Variants in MYCBP2 observed in about 807,000 individuals in gnomAD.
MYCBP2 encodes the protein MYC binding protein 2.
In MYCBP2, 120 loss-of-function variants were observed where a neutral mutation model predicts 525.3. That is an observed-to-expected ratio of 0.23 (90% confidence interval 0.20 to 0.27). MYCBP2 has a LOEUF of 0.27. Among genes scored for constraint, MYCBP2 ranks in the 10% least tolerant of loss-of-function variants. MYCBP2 has a pLI of 1.00. For synonymous variants in MYCBP2, 1,894 were observed against 1,955.8 expected (o/e 0.97, Z 0.83); for missense variants, 4,149 against 5,657.1 (o/e 0.73, Z 8.55).
intron 63 of MYCBP2, 118 bp from the exon 64 acceptor site, chr13:77,082,111 G>A: frequency 2.3e-6 from 2 of 867,834 alleles, no homozygotes; most frequent in South Asian, 5.4e-5. Flanking sequence ...TCTAGTAACA[G>A]ACATTTTAAA....
intron 49 of MYCBP2, among the ~76,000 whole-genome samples, chr13:77,141,339 T>C (rs2054582109): frequency 6.6e-6 from 1 of 152,222 alleles, no homozygotes; most frequent in Non-Finnish European, 1.5e-5. Flanking sequence ...AAGCTGAGGT[T>C]CTCATGTTAG....
intron 82 of MYCBP2, among the ~76,000 whole-genome samples, chr13:77,046,413 A>G (rs1846048999): frequency 6.6e-6 from 1 of 152,236 alleles, no homozygotes; most frequent in African/African-American, 2.4e-5. Flanking sequence ...AGAGAAAAAT[A>G]TCACGAGATT....
chr13:77,092,168 T>G (rs1191227639), intron 59 of MYCBP2, among the ~76,000 whole-genome samples: 1 of 152,078 alleles, frequency 6.6e-6, no homozygotes, highest in Non-Finnish European at 1.5e-5. Context: ...TATAGTTGTA[T>G]AGTAGTAACA....
chr13:77,141,601 T>A (rs2054634667), intron 49 of MYCBP2, among the ~76,000 whole-genome samples: 1 of 151,838 alleles, frequency 6.6e-6, no homozygotes. Context: ...TGAAACCCCA[T>A]CTCTACTAAA....
At chr13:77,104,044 T>C (rs1033927134) in intron 55 of MYCBP2, among the ~76,000 whole-genome samples, 2 of 152,084 alleles carry the variant, frequency 1.3e-5, no homozygotes, top group African/African-American at 4.8e-5. Flanking sequence ...TAACAGAACC[T>C]TTAAATTGCA....
intron 2 of MYCBP2, among the ~76,000 whole-genome samples, chr13:77,294,131 C>CATATACAT (rs1567182838): frequency 4.6e-5 from 3 of 65,710 alleles, no homozygotes; most frequent in East Asian, 7.7e-4. Context: ...TATATATATA[C>CATATACAT]ATATATATAT....
At chr13:77,191,658 A>T in intron 28 of MYCBP2, 21 bp downstream of exon 28, 11 of 1,607,878 alleles carry the variant, frequency 6.8e-6, no homozygotes, top group Middle Eastern at 1.7e-4. Flanking sequence ...TTGCTTAAGT[A>T]ACACTTGGGC....
At chr13:77,256,114 GA>G (rs1247876244) in intron 14 of MYCBP2, among the ~76,000 whole-genome samples, 1 of 152,042 alleles carries the variant, frequency 6.6e-6, no homozygotes, top group Non-Finnish European at 1.5e-5. Context: ...AGGATATTGT[GA>G]AGAAGGTGTG....
At chr13:77,193,192 C>A (rs993075043) in intron 27 of MYCBP2, among the ~76,000 whole-genome samples, 1 of 151,888 alleles carries the variant, frequency 6.6e-6, no homozygotes, top group African/African-American at 2.4e-5. Context: ...GACAATGGCA[C>A]CTTAAGGCTT....
chr13:77,095,473 TG>T lies in MYCBP2; in HGVS notation c.10083del (p.Ser3361ArgfsTer18). 1 of 1,613,604 alleles carries T rather than the reference TG, an allele frequency of 6.2e-7. No individual in the cohort carries two copies. The highest frequency in any genetic ancestry group is 8.5e-7 in the Non-Finnish European group (1 of 1,179,734). On this transcript the variant is annotated frameshift_variant, in exon 58 of 83. Coordinates refer to ENST00000544440, the MANE Select transcript of MYCBP2 (RefSeq NM_015057.5). LOFTEE classifies it high-confidence loss of function. The stretch of plus-strand genomic sequence containing the variant: ...GGCTTTGCAGGATGGTAACACAGAA[TG>T]CTCGGTTCTGCTGCACTGCTCAGGG... The part of the protein sequence containing the change: ...LLSLSSAAEP[S>X]ILCYHPAKPF...
At chr13:77,205,184 TAATAA>T (rs2063186043) in intron 26 of MYCBP2, 67 bp downstream of exon 26, 1 of 1,304,580 alleles carries the variant, frequency 7.7e-7, no homozygotes, top group African/African-American at 1.6e-5. Context: ...AGACATTAAA[TAATAA>T]AATAATAAAT....
At chr13:77,168,019 A>AT (rs770964880) in intron 40 of MYCBP2, among the ~76,000 whole-genome samples, 2 of 152,228 alleles carry the variant, frequency 1.3e-5, no homozygotes, top group Non-Finnish European at 2.9e-5. Flanking sequence ...TTTTTTTAAC[A>AT]TTATGTATAG....
Position 77,224,647 on chromosome 13 carries a change from A to T in MYCBP2, c.2858-115T>A, listed in dbSNP as rs908475503. The T allele has an allele frequency of 2.7e-5, 15 of 563,278 alleles. No individual in the cohort carries two copies. The Admixed American group carries it at 4.8e-4, about 18-fold the overall frequency. 34.9% of individuals were successfully genotyped at this position (563,278 alleles called of 1,614,324 possible). ...TTTAAGATTTATAGAACCATTAAAA[A>T]TAGGTAACTGAAGGACAAATTTGTA... On this transcript the variant is annotated intron_variant, in intron 19 of 82. Transcript: ENST00000544440.
chr13:77,206,312 AATTT>A (rs1286738105), intron 24 of MYCBP2, among the ~76,000 whole-genome samples: 12 of 150,364 alleles, frequency 8.0e-5, no homozygotes, highest in East Asian at 1.9e-4. Context: ...CATTTTATAG[AATTT>A]ATTTAACATA....
intron 4 of MYCBP2, among the ~76,000 whole-genome samples, chr13:77,276,700 T>C (rs1594578309): frequency 6.6e-6 from 1 of 151,828 alleles, no homozygotes; most frequent in East Asian, 1.9e-4. Flanking sequence ...TCTCATTCTG[T>C]CACCCAGCTA....
intron 35 of MYCBP2, 132 bp from the exon 36 acceptor site, chr13:77,176,760 T>C (rs1385141696): frequency 1.3e-6 from 1 of 768,192 alleles, no homozygotes; most frequent in Non-Finnish European, 1.8e-6. Flanking sequence ...TATTTTCCCA[T>C]ACATATGAAA....
chr13:77,059,397 T>C (rs1205489361), intron 77 of MYCBP2, 126 bp downstream of exon 77: 13 of 674,268 alleles, frequency 1.9e-5, no homozygotes, highest in Non-Finnish European at 1.3e-5. Context: ...CATTTGATGC[T>C]TCACATAGGT....
At chr13:77,272,713 T>A (rs2075054691) in intron 5 of MYCBP2, among the ~76,000 whole-genome samples, 1 of 152,124 alleles carries the variant, frequency 6.6e-6, no homozygotes, top group Non-Finnish European at 1.5e-5. Flanking sequence ...ATGGGTCTTG[T>A]TTGACCAGGA....
rs2082303148 is a variant in MYCBP2 at position 77,326,326 on chromosome 13, TC to T, written c.302+147del. ...CGCACCCTCCTATCTCGATAAGTGCTCCTGCCAACAGACATCCAGAGCGGAC... is the reference window on the plus strand; with the variant it reads ...CGCACCCTCCTATCTCGATAAGTGCTCTGCCAACAGACATCCAGAGCGGAC... On this transcript the variant is annotated intron_variant, in intron 1 of 82. Transcript: ENST00000544440. The surrounding 1 kb of genome is among the most constrained non-coding windows in gnomAD (Gnocchi z 4.2). The T allele has an allele frequency of 1.3e-6, 1 of 740,782 alleles. No homozygotes were observed. The highest frequency in any genetic ancestry group is 1.9e-5 in the African/African-American group (1 of 52,126). The allele number at this position is 740,782 out of a possible 1,614,324, so 45.9% of individuals were successfully genotyped here.
Sources: allele counts gnomAD v4.1 joint callset (sites outside exome capture counted in the v4.1 genomes callset), GRCh38; gene constraint gnomAD v4.1.1; non-coding constraint Gnocchi (gnomAD v3.1); transcripts MANE v1.5; gene names NCBI Gene and HGNC (gene_info 2026-07-23, HGNC 2026-07-21).